Variants in CNTN5 observed in about 807,000 individuals in gnomAD.
CNTN5 encodes contactin 5, also known as contactin-5.
In CNTN5, 77 loss-of-function variants were observed where a neutral mutation model predicts 129.1. The ratio of observed to expected loss-of-function variants is 0.60; its 90% confidence interval spans 0.50 to 0.72. The LOEUF (loss-of-function observed/expected upper bound fraction) is 0.72, where lower values mean the gene tolerates loss of function less well. Ranked by LOEUF, CNTN5 falls within the 30% of genes least tolerant of loss-of-function variation. The pLI is 0.00. For synonymous variants in CNTN5, 509 were observed against 465.6 expected, an observed-to-expected ratio of 1.09 and a Z score of -1.20; for missense variants, 1,478 against 1,328.8, an observed-to-expected ratio of 1.11 and a Z score of -1.75.
chr11:100,064,499 G>A (rs1269632433), intron 10 of CNTN5, among the ~76,000 whole-genome samples: 1 of 151,800 alleles, frequency 6.6e-6, no homozygotes, highest in Non-Finnish European at 1.5e-5. Context: ...ACATAAATAG[G>A]TCTTAAAAGT....
At chr11:100,347,852 T>C (rs1952319505) in intron 23 of CNTN5, among the ~76,000 whole-genome samples, 1 of 152,066 alleles carries the variant, frequency 6.6e-6, no homozygotes. Flanking sequence ...TTTCCTTTAA[T>C]ATGAGCCATC....
chr11:99,217,231 G>GA lies in CNTN5; in HGVS notation c.-209-108108dup, dbSNP rs1019607145. 5.3e-5 allele frequency among the ~76,000 whole-genome samples: 8 copies of GA among 149,600 alleles called. No homozygotes were observed. In the Admixed American group the frequency reaches 5.4e-4, roughly 10 times the overall value. ...TATAAGGAACTCAATAGCTCAATAG[G>GA]AAAAAAACAAATAATATGAGTAAAA... is the stretch of plus-strand genomic sequence containing the variant. On this transcript the variant is annotated intron_variant, in intron 1 of 24. Transcript: ENST00000524871.
At chr11:99,865,117 A>T (rs891249996) in intron 6 of CNTN5, among the ~76,000 whole-genome samples, 3 of 152,160 alleles carry the variant, frequency 2.0e-5, no homozygotes, top group Non-Finnish European at 4.4e-5. Context: ...GAGACCTTGT[A>T]TTCATTCAAG....
At chr11:99,885,312 AAG>A (rs1386677326) in intron 6 of CNTN5, among the ~76,000 whole-genome samples, 2 of 152,044 alleles carry the variant, frequency 1.3e-5, no homozygotes, top group Non-Finnish European at 2.9e-5. Context: ...AAAGAAAGAA[AAG>A]AGAGAAAACA....
At chr11:100,314,539 C>T (rs539232862) in intron 21 of CNTN5, among the ~76,000 whole-genome samples, 2 of 152,220 alleles carry the variant, frequency 1.3e-5, no homozygotes, top group Admixed American at 6.5e-5. Context: ...GAATACATAG[C>T]GTGGTGTTAA....
chr11:99,712,660 G>A lies in CNTN5; in HGVS notation c.56-106884G>A, dbSNP rs142414865. Among the ~76,000 whole-genome samples the A allele has an allele frequency of 3.5e-3, 538 of 152,202 alleles. 4 individuals are homozygous for A. Among genetic ancestry groups the A allele is most frequent in the African/African-American group, 0.012 (503 of 41,550 alleles). The stretch of plus-strand genomic sequence containing the variant: ...CATTTTGAGTTAATTTTTGTATAAG[G>A]TGTAAGGAAGGGATCTAGTTTCAGC... On this transcript the variant is annotated intron_variant, in intron 3 of 24. Coordinates refer to ENST00000524871, the MANE Select transcript of CNTN5 (RefSeq NM_014361.4).
intron 21 of CNTN5, among the ~76,000 whole-genome samples, chr11:100,335,413 T>G (rs1952014890): frequency 1.3e-5 from 2 of 152,140 alleles, no homozygotes; most frequent in Non-Finnish European, 2.9e-5. Flanking sequence ...ATACACTACC[T>G]GCACAGTTAA....
intron 2 of CNTN5, among the ~76,000 whole-genome samples, chr11:99,542,106 C>T (rs1948137999): frequency 6.6e-6 from 1 of 151,584 alleles, no homozygotes; most frequent in South Asian, 2.1e-4. Flanking sequence ...TGTTTCAATA[C>T]ATTAATACAT....
intron 6 of CNTN5, among the ~76,000 whole-genome samples, chr11:99,903,006 CATG>C (rs1949399295): frequency 2.0e-5 from 3 of 152,010 alleles, no homozygotes; most frequent in Non-Finnish European, 4.4e-5. Context: ...TTAAATTAAA[CATG>C]GTATAAATTA....
intron 3 of CNTN5, among the ~76,000 whole-genome samples, chr11:99,692,978 G>GT (rs2134799460): frequency 6.6e-6 from 1 of 152,234 alleles, no homozygotes; most frequent in East Asian, 1.9e-4. Context: ...CACAGAGTTG[G>GT]TGATTGGGCG....
chr11:99,560,735 T>A (rs1389899135), intron 3 of CNTN5, among the ~76,000 whole-genome samples: 1 of 152,174 alleles, frequency 6.6e-6, no homozygotes, highest in Non-Finnish European at 1.5e-5. Context: ...TTTTCCCATG[T>A]CAGCACTCCT....
rs545658130 is a variant in CNTN5, at chr11:100,252,518, A to T, written c.2006-3242A>T. ...CAAGGTCCTGAAGCACTTCCTCTATATTTTTTTCTAGTAGTTTTATTGTTT... is the reference window on the plus strand; with the variant it reads ...CAAGGTCCTGAAGCACTTCCTCTATTTTTTTTTCTAGTAGTTTTATTGTTT... On this transcript the variant is annotated intron_variant, in intron 16 of 24. Transcript: ENST00000524871. Among the ~76,000 whole-genome samples the T allele has an allele frequency of 3.1e-3, 473 of 151,518 alleles. 7 individuals are homozygous for T. The highest frequency in any genetic ancestry group is 1.3e-3 in the Non-Finnish European group (90 of 67,820).
In CNTN5 at chr11:99,532,635, G is replaced by A. The variant is rs539324962; in HGVS notation, c.-70-23510G>A. 4.4e-4 allele frequency among the ~76,000 whole-genome samples: 67 copies of A among 152,266 alleles called. 1 individual carries two copies. The highest frequency in any genetic ancestry group is 1.5e-3 in the African/African-American group (63 of 41,576). On this transcript the variant is annotated intron_variant, in intron 2 of 24. Coordinates refer to ENST00000524871, the MANE Select transcript of CNTN5 (RefSeq NM_014361.4). ...AATCATGGTGGCCAGTCTTTCCCAT[G>A]TTATTCTCATGCTAGTGAATAAGCC...
In CNTN5 at chr11:100,168,324, A is replaced by G. The variant is rs534772327; in HGVS notation, c.1581-22802A>G. ...GAAGAGGATGCCGTCTACGACTTCCAAAGCTAGAGAAGAGAAGTGAATGCC... is the reference window on the plus strand; with the variant it reads ...GAAGAGGATGCCGTCTACGACTTCCGAAGCTAGAGAAGAGAAGTGAATGCC... On this transcript the variant is annotated intron_variant, in intron 13 of 24. Coordinates refer to ENST00000524871, the MANE Select transcript of CNTN5 (RefSeq NM_014361.4). Among the ~76,000 whole-genome samples, 4 of 152,108 alleles carry G rather than the reference A, an allele frequency of 2.6e-5. No individual in the cohort carries two copies. The East Asian group carries it at 7.8e-4, about 30-fold the overall frequency.
chr11:100,310,756 C>T (rs545990645), intron 21 of CNTN5, among the ~76,000 whole-genome samples: 17 of 151,888 alleles, frequency 1.1e-4, no homozygotes, highest in African/African-American at 2.9e-4. Context: ...TCTGTGGTTG[C>T]GACATGTGAG....
Position 100,292,584 on chromosome 11 carries a change from T to C in CNTN5, c.2315-5041T>C, listed in dbSNP as rs534987696. ...ATAGGTAAGCATCTGAACTTCTCTATAGTGGTTGTCTTGCTCCTGTCCTTA... is the reference window on the plus strand; with the variant it reads ...ATAGGTAAGCATCTGAACTTCTCTACAGTGGTTGTCTTGCTCCTGTCCTTA... On this transcript the variant is annotated intron_variant, in intron 18 of 24. Transcript: ENST00000524871. 3.3e-5 allele frequency among the ~76,000 whole-genome samples: 5 copies of C among 152,144 alleles called. No homozygotes were observed. In the East Asian group the frequency reaches 9.7e-4, roughly 29 times the overall value.
chr11:99,269,109 C>A (rs1188520177), intron 1 of CNTN5, among the ~76,000 whole-genome samples: 1 of 151,916 alleles, frequency 6.6e-6, no homozygotes, highest in South Asian at 2.1e-4. Context: ...ATCATCCTGT[C>A]GAAGTGCCAA....
intron 1 of CNTN5, among the ~76,000 whole-genome samples, chr11:99,282,127 C>T (rs1485428792): frequency 6.6e-6 from 1 of 151,802 alleles, no homozygotes; most frequent in Non-Finnish European, 1.5e-5. Flanking sequence ...ATTTTATTCA[C>T]GATCTGAAAA....
At chr11:99,850,095 C>T (rs1265213019) in intron 6 of CNTN5, among the ~76,000 whole-genome samples, 1 of 147,656 alleles carries the variant, frequency 6.8e-6, no homozygotes, top group Admixed American at 6.7e-5. Flanking sequence ...AGTTTAAAAC[C>T]ACTTATTTAA....
Sources: allele counts gnomAD v4.1 joint callset (sites outside exome capture counted in the v4.1 genomes callset), GRCh38; gene constraint gnomAD v4.1.1; transcripts MANE v1.5; gene names NCBI Gene and HGNC (gene_info 2026-07-23, HGNC 2026-07-21).